SLF1: variants seen among roughly 807,000 people sequenced by gnomAD.
The protein encoded by SLF1 is SMC5-SMC6 complex localization factor protein 1.
In SLF1, 105 loss-of-function variants were observed where a neutral mutation model predicts 123.0. That is an observed-to-expected ratio of 0.85 (90% CI 0.73 to 1.00). SLF1 has a LOEUF of 1.00. Among genes scored for constraint, SLF1 ranks in the 50% least tolerant of loss-of-function variants. The probability of loss-of-function intolerance (pLI) is 0.00; values close to 1 mark genes in which losing one functional copy is unlikely to be tolerated. For synonymous variants in SLF1, 434 were observed against 406.6 expected (o/e 1.07, Z -0.81); for missense variants, 1,239 against 1,223.0 (o/e 1.01, Z -0.20).
chr5:94,649,640 T>G, intron 6 of SLF1, 43 bp downstream of exon 6: 1 of 1,391,618 alleles, frequency 7.2e-7, no homozygotes, highest in Non-Finnish European at 9.5e-7. Flanking sequence ...TGATGTTTCT[T>G]ATAGAATTGT....
chr5:94,645,142 G>A (rs2152475404), intron 5 of SLF1, among the ~76,000 whole-genome samples: 1 of 152,304 alleles, frequency 6.6e-6, no homozygotes, highest in East Asian at 1.9e-4. Flanking sequence ...GGGTCATGAA[G>A]AGAAGTATGT....
intron 1 of SLF1, among the ~76,000 whole-genome samples, chr5:94,628,466 A>T (rs1744839106): frequency 6.6e-6 from 1 of 152,232 alleles, no homozygotes. Flanking sequence ...AAGCTTGTAT[A>T]ACATTATTAT....
intron 7 of SLF1, among the ~76,000 whole-genome samples, chr5:94,652,349 C>T (rs66464936): frequency 0.22 from 33,859 of 152,062 alleles, 3,897 homozygotes; most frequent in East Asian, 0.34. Context: ...CTCCCTCTTA[C>T]CTAGAAGTAA....
At chr5:94,669,259 A>G (rs995565420) in intron 12 of SLF1, among the ~76,000 whole-genome samples, 1 of 152,162 alleles carries the variant, frequency 6.6e-6, no homozygotes, top group Admixed American at 6.5e-5. Context: ...GGCATGAAGG[A>G]TCTTATAGAT....
chr5:94,664,736 A>G (rs1397281449), intron 11 of SLF1, among the ~76,000 whole-genome samples: 1 of 152,186 alleles, frequency 6.6e-6, no homozygotes, highest in African/African-American at 2.4e-5. Flanking sequence ...GAAAAGGAAA[A>G]TGTGTATTCC....
At chr5:94,671,647 T>G (rs1406928169) in intron 14 of SLF1, among the ~76,000 whole-genome samples, 1 of 150,186 alleles carries the variant, frequency 6.7e-6, no homozygotes, top group Non-Finnish European at 1.5e-5. Flanking sequence ...CTCTTTTCTT[T>G]TAATTTTTTT....
rs907534976 is a variant in SLF1 at position 94,664,013 on chromosome 5, T to C, written c.1368+105T>C. On this transcript the variant is annotated intron_variant, in intron 11 of 20. Transcript: ENST00000265140. ...TACAGTTTATTTTCCCTGTTCAGTG[T>C]TTTTTTTTCTTCATTTCACTAATGC... 18 of 1,157,534 alleles carry C rather than the reference T, an allele frequency of 1.6e-5. 1 individual carries two copies. In the South Asian group the frequency reaches 3.7e-4, roughly 24 times the overall value. The allele number at this position is 1,157,534 out of a possible 1,614,324, so 71.7% of individuals were successfully genotyped here. A position where few individuals can be genotyped will look rare whatever the true frequency, so the allele number is the denominator to read the frequency against.
intron 4 of SLF1, 105 bp downstream of exon 4, chr5:94,630,848 TG>T (rs1335769622): frequency 1.4e-5 from 18 of 1,282,538 alleles, no homozygotes; most frequent in Non-Finnish European, 1.9e-5. Flanking sequence ...AAATGAGCCA[TG>T]GTGATTTACT....
At position 94,663,717 on chromosome 5, in the gene SLF1, T is replaced by G. The variant is rs1179880296; in HGVS notation, c.1210-33T>G. 2.8e-6 allele frequency: 4 copies of G among 1,445,254 alleles called. No homozygotes were observed. The Admixed American group carries it at 1.1e-4, about 41-fold the overall frequency. 89.5% of individuals were successfully genotyped at this position (1,445,254 alleles called of 1,614,324 possible). ...TTTGATTGCAAAATTTTATCTTTCTTTTCTCTGAATCATAGAATCTTTCCT... is the reference window on the plus strand; with the variant it reads ...TTTGATTGCAAAATTTTATCTTTCTGTTCTCTGAATCATAGAATCTTTCCT... On this transcript the variant is annotated intron_variant, in intron 10 of 20. Transcript: ENST00000265140.
intron 5 of SLF1, among the ~76,000 whole-genome samples, chr5:94,648,145 C>A (rs2152477018): frequency 6.6e-6 from 1 of 152,304 alleles, no homozygotes; most frequent in South Asian, 2.1e-4. Context: ...CATTTCCCCC[C>A]ACCTGCAAGT....
chr5:94,619,322 C>G (rs1430515295), intron 1 of SLF1, among the ~76,000 whole-genome samples: 2 of 151,904 alleles, frequency 1.3e-5, no homozygotes, highest in Non-Finnish European at 2.9e-5. Context: ...GGCAGTGATC[C>G]TATCTCTGAC....
intron 9 of SLF1, among the ~76,000 whole-genome samples, chr5:94,659,608 T>C (rs1748832980): frequency 6.6e-6 from 1 of 152,244 alleles, no homozygotes; most frequent in African/African-American, 2.4e-5. Flanking sequence ...CACAGTGTTA[T>C]CTTTGAGTTT....
chr5:94,625,806 G>A (rs1185995791), intron 1 of SLF1, among the ~76,000 whole-genome samples: 1 of 152,068 alleles, frequency 6.6e-6, no homozygotes, highest in African/African-American at 2.4e-5. Context: ...TGGCTTTTTT[G>A]TGTGTGTTCA....
chr5:94,637,437 T>C (rs1344338551), intron 4 of SLF1, among the ~76,000 whole-genome samples: 1 of 152,042 alleles, frequency 6.6e-6, no homozygotes, highest in African/African-American at 2.4e-5. Context: ...GGCACTGCAA[T>C]TGTCTCCAGT....
intron 7 of SLF1, among the ~76,000 whole-genome samples, chr5:94,652,379 G>GTTAA (rs889921794): frequency 6.6e-6 from 1 of 152,022 alleles, no homozygotes; most frequent in Non-Finnish European, 1.5e-5. Context: ...TAGAATTTGT[G>GTTAA]TTAATTATTT....
At chr5:94,674,747 A>G (rs1447273820) in intron 14 of SLF1, among the ~76,000 whole-genome samples, 1 of 152,232 alleles carries the variant, frequency 6.6e-6, no homozygotes, top group Non-Finnish European at 1.5e-5. Context: ...TTTCATTGTC[A>G]TTAATCTGAG....
intron 9 of SLF1, among the ~76,000 whole-genome samples, chr5:94,658,427 G>GTTT (rs1366245704): frequency 2.5e-5 from 3 of 118,248 alleles, no homozygotes; most frequent in African/African-American, 6.4e-5. Context: ...GTTGAGTTGG[G>GTTT]TTTGTTGTTG....
intron 20 of SLF1, among the ~76,000 whole-genome samples, chr5:94,693,423 C>T (rs1295368683): frequency 6.6e-6 from 1 of 151,942 alleles, no homozygotes; most frequent in African/African-American, 2.4e-5. Context: ...GTATTAGGTC[C>T]AGCTCTTCAG....
Position 94,630,693 on chromosome 5 carries a change from G to A in SLF1, c.381G>A (p.Trp127Ter). The change falls in exon 4 of 21, where the codon TGG becomes TGA. Residue 127 changes from tryptophan (W) to a stop codon, truncating the protein, a stop_gained. Transcript: ENST00000265140. LOFTEE classifies it high-confidence loss of function. The stretch of plus-strand genomic sequence containing the variant: ...GTGCTCCAGGAGCCTTCCACAGATG[G>A]AAAGTTGTCCTCCTTGTTAGAACTG... The part of the protein sequence containing the change: ...RTGAPGAFHR[W>*]KVVLLVRTDK... 6.4e-7 allele frequency: 1 copy of A among 1,551,664 alleles called. No individual in the cohort carries two copies. The highest frequency in any genetic ancestry group is 8.7e-7 in the Non-Finnish European group (1 of 1,146,976).
Sources: gnomAD v4.1 joint callset for allele counts (sites outside exome capture counted in the v4.1 genomes callset) on GRCh38, gnomAD v4.1.1 for gene constraint, MANE v1.5 for transcripts, NCBI Gene and HGNC (gene_info 2026-07-23, HGNC 2026-07-21) for gene names.